Variants in TBC1D4 observed in about 807,000 individuals in gnomAD.
The protein encoded by TBC1D4 is TBC (Tre-2, BUB2, CDC16) domain-containing protein.
TBC1D4 carries 121 observed loss-of-function variants against 142.5 expected under a neutral mutation model. The observed-to-expected ratio is 0.85, with a 90% CI of 0.73 to 0.99. The LOEUF is 0.99. Ranked by LOEUF, TBC1D4 falls within the 50% of genes least tolerant of loss-of-function variation. The pLI, the probability that TBC1D4 is intolerant of heterozygous loss-of-function variation, is 0.00. For missense variants in TBC1D4, 1,475 were observed against 1,606.6 expected, an observed-to-expected ratio of 0.92 and a Z score of 1.40; for synonymous variants, 630 against 628.2, an observed-to-expected ratio of 1.00 and a Z score of -0.04.
At chr13:75,326,726 T>C (rs1879297210) in intron 9 of TBC1D4, among the ~76,000 whole-genome samples, 1 of 152,180 alleles carries the variant, frequency 6.6e-6, no homozygotes, top group South Asian at 2.1e-4. Flanking sequence ...AAGTGAAAGC[T>C]ATTCTCTCCC....
chr13:75,481,365 C>T lies in TBC1D4; in HGVS notation c.403G>A (p.Asp135Asn). ...ATCAGGTAGGCAAAGTAGGTGAGGTCGTGGCTGTTGTGGATGAAGCGCGAG... is the reference window on the plus strand; with the variant it reads ...ATCAGGTAGGCAAAGTAGGTGAGGTTGTGGCTGTTGTGGATGAAGCGCGAG... ...HISRFIHNSH[D>N]LTYFAYLIKA... Residue 135 changes from aspartate (D) to asparagine (N), a missense_variant, in exon 1 of 21, where the codon GAC becomes AAC. Asp to Asn is a conservative substitution (Grantham distance 23, BLOSUM62 1). Coordinates refer to ENST00000377636, the MANE Select transcript of TBC1D4 (RefSeq NM_014832.5). 4 of 1,613,922 alleles carry T rather than the reference C, an allele frequency of 2.5e-6. No individual in the cohort carries two copies. Among genetic ancestry groups the T allele is most frequent in the South Asian group, 2.2e-5 (2 of 91,074 alleles).
intron 5 of TBC1D4, among the ~76,000 whole-genome samples, chr13:75,341,985 G>A (rs886109556): frequency 7.2e-5 from 11 of 152,188 alleles, no homozygotes; most frequent in African/African-American, 2.2e-4. Flanking sequence ...GACTGTGTGC[G>A]TTCTGACAAG....
At chr13:75,350,470 C>CT (rs1881505128) in intron 4 of TBC1D4, among the ~76,000 whole-genome samples, 1 of 152,064 alleles carries the variant, frequency 6.6e-6, no homozygotes, top group African/African-American at 2.4e-5. Flanking sequence ...TTATGAATTT[C>CT]TTATCATTCC....
intron 1 of TBC1D4, among the ~76,000 whole-genome samples, chr13:75,440,845 T>C (rs142475359): frequency 2.6e-5 from 4 of 152,140 alleles, no homozygotes; most frequent in African/African-American, 9.6e-5. Flanking sequence ...CTGCTGGGAT[T>C]ACAAATGTGA....
At chr13:75,372,784 T>C (rs1883291266) in intron 1 of TBC1D4, among the ~76,000 whole-genome samples, 1 of 152,250 alleles carries the variant, frequency 6.6e-6, no homozygotes, top group African/African-American at 2.4e-5. Context: ...ACTAGAATTT[T>C]AGCTGATTAG....
chr13:75,320,867 C>CAAAA (rs148657060), intron 11 of TBC1D4, among the ~76,000 whole-genome samples: 10 of 84,374 alleles, frequency 1.2e-4, no homozygotes, highest in Non-Finnish European at 1.8e-4. Context: ...ACTAAAAATA[C>CAAAA]AAAAAAAAAA....
At chr13:75,323,728 T>C (rs192899311) in intron 11 of TBC1D4, among the ~76,000 whole-genome samples, 1 of 152,196 alleles carries the variant, frequency 6.6e-6, no homozygotes, top group African/African-American at 2.4e-5. Flanking sequence ...ATGCGATTTA[T>C]ATTGAGATCC....
intron 1 of TBC1D4, among the ~76,000 whole-genome samples, chr13:75,431,798 A>C (rs1211312079): frequency 6.6e-6 from 1 of 152,224 alleles, no homozygotes; most frequent in Non-Finnish European, 1.5e-5. Flanking sequence ...CTAAAGATTC[A>C]GATAATTTAT....
intron 1 of TBC1D4, among the ~76,000 whole-genome samples, chr13:75,379,085 A>G (rs1482140524): frequency 6.6e-6 from 1 of 152,134 alleles, no homozygotes; most frequent in Non-Finnish European, 1.5e-5. Context: ...TAAACATCTC[A>G]ATCACATAAC....
intron 11 of TBC1D4, among the ~76,000 whole-genome samples, chr13:75,323,721 C>G (rs538010828): frequency 3.3e-5 from 5 of 151,912 alleles, no homozygotes; most frequent in Admixed American, 3.3e-4. Flanking sequence ...AACCATTATG[C>G]GATTTATATT....
At chr13:75,475,873 T>G (rs1273033114) in intron 1 of TBC1D4, among the ~76,000 whole-genome samples, 2 of 152,240 alleles carry the variant, frequency 1.3e-5, no homozygotes, top group Non-Finnish European at 2.9e-5. Context: ...TTGAATTTTT[T>G]TTTCAGATTT....
At chr13:75,379,497 G>T (rs1883698566) in intron 1 of TBC1D4, among the ~76,000 whole-genome samples, 1 of 152,066 alleles carries the variant, frequency 6.6e-6, no homozygotes, top group Non-Finnish European at 1.5e-5. Context: ...TGCCTAACAT[G>T]AGTTCAATAC....
chr13:75,460,862 G>A (rs922962680), intron 1 of TBC1D4, among the ~76,000 whole-genome samples: 1 of 152,170 alleles, frequency 6.6e-6, no homozygotes, highest in Non-Finnish European at 1.5e-5. Flanking sequence ...GGTCAAGGCT[G>A]CAGTGAGCCA....
At chr13:75,393,116 T>TACACACACAC (rs34205789) in intron 1 of TBC1D4, among the ~76,000 whole-genome samples, 91 of 141,472 alleles carry the variant, frequency 6.4e-4, no homozygotes, top group South Asian at 1.2e-3. Flanking sequence ...TAAATTAAAA[T>TACACACACAC]ACACACACAC....
intron 11 of TBC1D4, among the ~76,000 whole-genome samples, chr13:75,320,551 C>T (rs1878665804): frequency 6.6e-6 from 1 of 151,684 alleles, no homozygotes; most frequent in Admixed American, 6.6e-5. Flanking sequence ...ACACACATTC[C>T]CTCTCCTCTA....
At chr13:75,329,998 C>A (rs764550386) in intron 8 of TBC1D4, among the ~76,000 whole-genome samples, 28 of 152,320 alleles carry the variant, frequency 1.8e-4, no homozygotes, top group Admixed American at 4.6e-4. Context: ...CTGTTGTGCA[C>A]TTTCTGAGTT....
rs1035907997 is a variant in TBC1D4, at chr13:75,304,280, G to C, written c.2753-1879C>G. Among the ~76,000 whole-genome samples the C allele has an allele frequency of 2.0e-5, 3 of 152,132 alleles. No individual in the cohort carries two copies. In the East Asian group the frequency reaches 5.8e-4, roughly 29 times the overall value. On this transcript the variant is annotated intron_variant, in intron 15 of 20. Transcript: ENST00000377636. ...CCAACCAATAATAAATGTACAAAAA[G>C]CAACTTCATTCCAGTCAAACAAACA... is the stretch of plus-strand genomic sequence containing the variant.
chr13:75,361,467 G>A (rs1593790755), intron 2 of TBC1D4, among the ~76,000 whole-genome samples: 1 of 152,118 alleles, frequency 6.6e-6, no homozygotes, highest in South Asian at 2.1e-4. Flanking sequence ...TACAACCTCC[G>A]ACTCCCCAGT....
chr13:75,415,382 T>G (rs1321819775), intron 1 of TBC1D4, among the ~76,000 whole-genome samples: 1 of 152,200 alleles, frequency 6.6e-6, no homozygotes, highest in Non-Finnish European at 1.5e-5. Context: ...ATTGATGACA[T>G]TTCCAGTACA....
Sources: gnomAD v4.1 joint callset for allele counts (sites outside exome capture counted in the v4.1 genomes callset) on GRCh38, gnomAD v4.1.1 for gene constraint, MANE v1.5 for transcripts, NCBI Gene and HGNC (gene_info 2026-07-23, HGNC 2026-07-21) for gene names.